SBF2: variants seen among roughly 807,000 people sequenced by gnomAD.
SBF2 encodes SET binding factor 2, also known as myotubularin-related protein 13.
SBF2 carries 112 observed loss-of-function variants against 225.2 expected under a neutral mutation model. That is an observed-to-expected ratio of 0.50 (90% CI 0.43 to 0.58). The LOEUF is 0.58. SBF2 is among the 20% of genes least tolerant of loss of function. The pLI, the probability that SBF2 is intolerant of heterozygous loss-of-function variation, is 0.00. For synonymous variants in SBF2, 763 were observed against 773.3 expected (o/e 0.99, Z 0.22); for missense variants, 1,996 against 2,206.2 (o/e 0.90, Z 1.91).
At chr11:10,191,748 A>C (rs1315411628) in intron 2 of SBF2, among the ~76,000 whole-genome samples, 1 of 152,218 alleles carries the variant, frequency 6.6e-6, no homozygotes, top group Non-Finnish European at 1.5e-5. Flanking sequence ...TGAACATGGC[A>C]GTGTCTGTCA....
In SBF2 at chr11:9,784,410, C is replaced by T; in HGVS notation, c.5260G>A (p.Gly1754Arg). The change falls in exon 38 of 40, where the codon GGG becomes AGG. Residue 1754 changes from glycine (G) to arginine (R), a missense_variant. Gly to Arg is a moderately radical substitution (Grantham distance 125). Transcript: ENST00000256190. ...RSFEGTLYKR[G>R]ALLKGWKPRW... Reference sequence around the variant, plus strand: ...GGCTTCCAACCTTTCAGCAAAGCCCCTCTTTTATAAAGTGTTCCCTCAAAG... The same window carrying T: ...GGCTTCCAACCTTTCAGCAAAGCCCTTCTTTTATAAAGTGTTCCCTCAAAG... 3 of 1,614,084 alleles carry T rather than the reference C, an allele frequency of 1.9e-6. No homozygotes were observed. In the South Asian group the frequency reaches 3.3e-5, roughly 18 times the overall value.
chr11:10,029,803 G>T lies in SBF2; in HGVS notation c.475C>A (p.Leu159Ile). ...NVSLESLIAN[L>I]CACLVPAAGG... is the part of the protein sequence containing the mutation. ...GCCGCTGGGACAAGGCAGGCACAAA[G>T]GTTTGCAATTAGACTTTCCAAGGAG... is the stretch of plus-strand genomic sequence containing the variant. The change falls in exon 5 of 40, where the codon CTT (leucine) becomes ATT (isoleucine). Residue 159 changes from leucine to isoleucine, a missense_variant. Coordinates refer to ENST00000256190, the MANE Select transcript of SBF2 (RefSeq NM_030962.4). 6.2e-7 allele frequency: 1 copy of T among 1,613,874 alleles called. No individual in the cohort carries two copies. The highest frequency in any genetic ancestry group is 8.5e-7 in the Non-Finnish European group (1 of 1,179,816).
At chr11:9,953,537 C>A (rs955925542) in intron 16 of SBF2, among the ~76,000 whole-genome samples, 2 of 152,186 alleles carry the variant, frequency 1.3e-5, no homozygotes, top group African/African-American at 4.8e-5. Flanking sequence ...TCGCAGCAAC[C>A]TGGATGAGAT....
At chr11:9,888,367 T>G (rs772308051) in intron 17 of SBF2, among the ~76,000 whole-genome samples, 3 of 151,868 alleles carry the variant, frequency 2.0e-5, no homozygotes, top group Non-Finnish European at 4.4e-5. Flanking sequence ...TAGCTGTGTG[T>G]GGTGGTGCAT....
At chr11:10,055,955 A>G (rs1161788090) in intron 2 of SBF2, among the ~76,000 whole-genome samples, 1 of 152,218 alleles carries the variant, frequency 6.6e-6, no homozygotes, top group Non-Finnish European at 1.5e-5. Context: ...AATGAAGTAA[A>G]TATAAAAATT....
At chr11:10,289,559 G>T (rs533691402) in intron 1 of SBF2, among the ~76,000 whole-genome samples, 3 of 152,202 alleles carry the variant, frequency 2.0e-5, no homozygotes, top group Admixed American at 2.0e-4. Context: ...TGCCTAGGGG[G>T]GTGCCTCCAG....
chr11:10,092,669 T>C (rs868126632), intron 2 of SBF2, among the ~76,000 whole-genome samples: 2 of 152,208 alleles, frequency 1.3e-5, no homozygotes, highest in Non-Finnish European at 2.9e-5. Context: ...TAATTTCTAT[T>C]GGTGAAAGGA....
At chr11:9,994,810 G>T (rs1221446094) in intron 9 of SBF2, among the ~76,000 whole-genome samples, 2 of 152,094 alleles carry the variant, frequency 1.3e-5, no homozygotes, top group Non-Finnish European at 2.9e-5. Flanking sequence ...GGCAACGTGG[G>T]TGGATCACTT....
At chr11:10,175,511 G>C (rs1356641029) in intron 2 of SBF2, among the ~76,000 whole-genome samples, 12 of 151,598 alleles carry the variant, frequency 7.9e-5, no homozygotes, top group Admixed American at 7.9e-4. Flanking sequence ...GATTCATAAA[G>C]CAAGTCCTGA....
At chr11:10,002,457 C>A in intron 7 of SBF2, 100 bp downstream of exon 7, 3 of 939,582 alleles carry the variant, frequency 3.2e-6, no homozygotes, top group Non-Finnish European at 5.0e-6. Context: ...GTAAAATATC[C>A]CTATGTGGTT....
At chr11:10,106,386 G>C (rs1188546725) in intron 2 of SBF2, among the ~76,000 whole-genome samples, 11 of 152,160 alleles carry the variant, frequency 7.2e-5, no homozygotes, top group African/African-American at 2.7e-4. Context: ...CAGGACTTTG[G>C]GAGGCCGAGG....
intron 16 of SBF2, among the ~76,000 whole-genome samples, chr11:9,934,886 A>T (rs1017968702): frequency 2.0e-5 from 3 of 152,250 alleles, no homozygotes; most frequent in Non-Finnish European, 4.4e-5. Flanking sequence ...TTCCCTTTGA[A>T]AACTGGCACA....
At chr11:10,172,253 T>C (rs1035862507) in intron 2 of SBF2, among the ~76,000 whole-genome samples, 9 of 152,208 alleles carry the variant, frequency 5.9e-5, no homozygotes, top group Non-Finnish European at 1.3e-4. Context: ...TTCTTCTTTT[T>C]TGATGTAGGC....
At chr11:9,968,620 C>T (rs1565074570) in intron 13 of SBF2, 75 bp from the exon 14 acceptor site, 1 of 1,183,694 alleles carries the variant, frequency 8.4e-7, no homozygotes, top group African/African-American at 1.5e-5. Context: ...GGAGTGGGAG[C>T]TTACAGGGAC....
chr11:9,892,472 G>A (rs972401093), intron 17 of SBF2, among the ~76,000 whole-genome samples: 6 of 152,094 alleles, frequency 3.9e-5, no homozygotes, highest in African/African-American at 1.4e-4. Flanking sequence ...GAAACCAATG[G>A]TTCAGAGGAA....
Position 9,856,486 on chromosome 11 carries a change from T to C in SBF2, c.2335A>G (p.Ser779Gly). 6.2e-7 allele frequency: 1 copy of C among 1,614,148 alleles called. No individual in the cohort carries two copies. Among genetic ancestry groups the C allele is most frequent in the African/African-American group, 1.3e-5 (1 of 75,046 alleles). The part of the protein sequence containing the change: ...LRTSAPGDWE[S>G]GSNSIVTNSI... ...TTTGTGACAATGCTGTTGCTTCCGC[T>C]CTCCCAGTCACCTGGCGCTGATGTT... The change falls in exon 19 of 40, where the codon AGC becomes GGC. Residue 779 changes from serine (S) to glycine (G), a missense_variant. Physicochemically the swap from Ser to Gly is moderately conservative, Grantham distance 56. Transcript: ENST00000256190.
At chr11:10,276,635 T>C (rs1962978120) in intron 1 of SBF2, among the ~76,000 whole-genome samples, 1 of 152,212 alleles carries the variant, frequency 6.6e-6, no homozygotes, top group African/African-American at 2.4e-5. Context: ...TTTAATTCCA[T>C]TCATGATCAG....
chr11:9,800,564 G>A (rs1362511926), intron 32 of SBF2, among the ~76,000 whole-genome samples: 1 of 151,854 alleles, frequency 6.6e-6, no homozygotes, highest in Non-Finnish European at 1.5e-5. Context: ...CTGCCACCAC[G>A]CCCAGCTAAT....
At chr11:9,936,423 T>C (rs1297946039) in intron 16 of SBF2, among the ~76,000 whole-genome samples, 2 of 152,178 alleles carry the variant, frequency 1.3e-5, no homozygotes, top group East Asian at 1.9e-4. Flanking sequence ...GAACTGGAAA[T>C]AGCATTTCAC....
Sources: gnomAD v4.1 joint callset for allele counts (sites outside exome capture counted in the v4.1 genomes callset) on GRCh38, gnomAD v4.1.1 for gene constraint, MANE v1.5 for transcripts, NCBI Gene and HGNC (gene_info 2026-07-23, HGNC 2026-07-21) for gene names.